ITPRID1: variants seen among roughly 807,000 people sequenced by gnomAD.
ITPRID1 encodes the protein ITPR interacting domain containing 1, also known as protein ITPRID1.
In ITPRID1, 96 loss-of-function variants were observed where a neutral mutation model predicts 95.4. The ratio of observed to expected loss-of-function variants is 1.01; its 90% CI spans 0.85 to 1.19. The LOEUF is 1.19. ITPRID1 is among the 50% of genes most tolerant of loss of function. The pLI is 0.00. For synonymous variants in ITPRID1, 510 were observed against 453.6 expected (o/e 1.12, Z -1.58); for missense variants, 1,339 against 1,252.9 (o/e 1.07, Z -1.04).
At chr7:31,614,857 C>CG (rs1195977362) in intron 10 of ITPRID1, among the ~76,000 whole-genome samples, 1 of 151,980 alleles carries the variant, frequency 6.6e-6, no homozygotes. Context: ...ACTCCTGATT[C>CG]GGGGGCCCCA....
intron 10 of ITPRID1, among the ~76,000 whole-genome samples, chr7:31,618,824 A>C (rs1787519770): frequency 6.6e-6 from 1 of 152,214 alleles, no homozygotes; most frequent in Non-Finnish European, 1.5e-5. Context: ...CCATGCCCAA[A>C]TTATATGCCG....
At chr7:31,594,293 C>T (rs941642509) in intron 10 of ITPRID1, among the ~76,000 whole-genome samples, 12 of 152,048 alleles carry the variant, frequency 7.9e-5, no homozygotes, top group African/African-American at 1.7e-4. Flanking sequence ...ATCAACTAAG[C>T]GTGCATTTCT....
chr7:31,520,173 G>C (rs537208982), intron 1 of ITPRID1, among the ~76,000 whole-genome samples: 1 of 151,990 alleles, frequency 6.6e-6, no homozygotes, highest in East Asian at 1.9e-4. Flanking sequence ...GGGGTTATGG[G>C]TTTGGGGGAG....
chr7:31,632,167 G>T (rs1311135081), intron 10 of ITPRID1, among the ~76,000 whole-genome samples: 3 of 152,210 alleles, frequency 2.0e-5, no homozygotes, highest in African/African-American at 7.2e-5. Flanking sequence ...CCTTGACAGA[G>T]GCAGGGCGTG....
intron 1 of ITPRID1, among the ~76,000 whole-genome samples, chr7:31,548,134 T>G (rs1784161275): frequency 6.6e-6 from 1 of 151,988 alleles, no homozygotes; most frequent in African/African-American, 2.4e-5. Context: ...GAAATTAGGA[T>G]TTTGGAGAGT....
chr7:31,526,751 C>T (rs1783434089), intron 1 of ITPRID1, among the ~76,000 whole-genome samples: 1 of 152,070 alleles, frequency 6.6e-6, no homozygotes, highest in African/African-American at 2.4e-5. Flanking sequence ...TTTTCTCCCA[C>T]ATAGTTCTAA....
chr7:31,581,397 A>C (rs1243335191), intron 9 of ITPRID1, among the ~76,000 whole-genome samples: 2 of 152,156 alleles, frequency 1.3e-5, no homozygotes, highest in African/African-American at 2.4e-5. Context: ...TCTCTTTTTA[A>C]ATTCCCAAAT....
At chr7:31,647,366 A>G (rs1032301083) in intron 12 of ITPRID1, among the ~76,000 whole-genome samples, 4 of 152,214 alleles carry the variant, frequency 2.6e-5, no homozygotes, top group Non-Finnish European at 1.5e-5. Context: ...GACATCTCTT[A>G]GAAGATAATG....
Position 31,643,908 on chromosome 7 carries a change from G to A in ITPRID1, c.2538G>A (p.Thr846=), listed in dbSNP as rs746314504. Residue 846 remains threonine (T), a synonymous_variant, in exon 12 of 15, where the codon ACG becomes ACA. Transcript: ENST00000615280. ...LTGHQEAQFM[T]TLKALQDTTV... The stretch of plus-strand genomic sequence containing the variant: ...GTCACCAGGAAGCCCAGTTCATGAC[G>A]ACTTTGAAAGCCCTTCAGGACACTA... The A allele has an allele frequency of 1.3e-5, 21 of 1,613,698 alleles. No individual in the cohort carries two copies. The highest frequency in any genetic ancestry group is 4.4e-5 in the South Asian group (4 of 91,036).
At position 31,653,670 on chromosome 7, in the gene ITPRID1, G is replaced by C. The variant is rs1055201959; in HGVS notation, c.*841G>C. 3.3e-5 allele frequency: 5 copies of C among 152,216 alleles called. No homozygotes were observed. The highest frequency in any genetic ancestry group is 1.2e-4 in the African/African-American group (5 of 41,454). The allele number at this position is 152,216 out of a possible 1,614,324, so 9.4% of individuals were successfully genotyped here. On this transcript the variant is annotated 3_prime_UTR_variant, in exon 15 of 15. Coordinates refer to ENST00000615280, the MANE Select transcript of ITPRID1 (RefSeq NM_001257967.3). ...TCATTTAGAAATAAAATGGGAGGCA[G>C]ATTGCCTGATGCAGCTCCTAACTTG...
intron 1 of ITPRID1, among the ~76,000 whole-genome samples, chr7:31,519,620 C>CTCCATATATATA: frequency 4.0e-5 from 1 of 25,254 alleles, no homozygotes; most frequent in Non-Finnish European, 7.3e-5. Flanking sequence ...CTCTCTCTCT[C>CTCCATATATATA]TATATATATA....
In ITPRID1 at chr7:31,652,731, AC is replaced by A. The variant is rs752916486; in HGVS notation, c.3039del (p.Arg1014GlyfsTer12). 3.2e-5 allele frequency: 51 copies of A among 1,613,930 alleles called. 1 individual carries two copies. The African/African-American group carries it at 5.3e-4, about 17-fold the overall frequency. On this transcript the variant is annotated frameshift_variant, in exon 15 of 15. Transcript: ENST00000615280. LOFTEE classifies it low-confidence loss of function (END_TRUNC). ...CACTCCACCCACCTTGGAGAACAGCACCAGGATGTCTCCTTCATCATCAGCT... is the reference window on the plus strand; with the variant it reads ...CACTCCACCCACCTTGGAGAACAGCACAGGATGTCTCCTTCATCATCAGCT... ...AFTPPTLENSTRMSPSSSAWA... is the reference protein window; with the variant it reads ...AFTPPTLENSXRMSPSSSAWA...
At chr7:31,628,844 CT>C (rs1788734736) in intron 10 of ITPRID1, among the ~76,000 whole-genome samples, 1 of 152,188 alleles carries the variant, frequency 6.6e-6, no homozygotes, top group African/African-American at 2.4e-5. Context: ...AGCACTATTT[CT>C]TCTTACTGTC....
rs572029786 is a variant in ITPRID1 at position 31,589,951 on chromosome 7, A to G, written c.1228+6760A>G. ...TTCTACATTTTACATGAAGTGGTAC[A>G]ATATAACTTTAAGTAGACTGAAAAA... On this transcript the variant is annotated intron_variant, in intron 10 of 14. Transcript: ENST00000615280. 2.1e-3 allele frequency among the ~76,000 whole-genome samples: 327 copies of G among 152,306 alleles called. 1 individual carries two copies. Among genetic ancestry groups the G allele is most frequent in the African/African-American group, 7.5e-3 (311 of 41,574 alleles).
chr7:31,654,692 C>T lies in ITPRID1; in HGVS notation c.*1863C>T, dbSNP rs973192518. 6.6e-6 allele frequency among the ~76,000 whole-genome samples: 1 copy of T among 152,044 alleles called. No homozygotes were observed. Among genetic ancestry groups the T allele is most frequent in the Non-Finnish European group, 1.5e-5 (1 of 68,012 alleles). On this transcript the variant is annotated 3_prime_UTR_variant, in exon 15 of 15. Transcript: ENST00000615280. Reference sequence around the variant, plus strand: ...CACACAAAGGCCAGAGGCACTGGGTCTCTAAGGAATGGGGAATAGATGCAG... The same window carrying T: ...CACACAAAGGCCAGAGGCACTGGGTTTCTAAGGAATGGGGAATAGATGCAG...
chr7:31,635,784 G>A (rs148671545), intron 10 of ITPRID1, among the ~76,000 whole-genome samples: 7 of 152,134 alleles, frequency 4.6e-5, no homozygotes, highest in Non-Finnish European at 7.4e-5. Flanking sequence ...AGGGGAGGGC[G>A]GGGGTCAGAG....
chr7:31,519,620 C>CTCTCTCTCTCTCCATATATA, intron 1 of ITPRID1, among the ~76,000 whole-genome samples: 2 of 25,254 alleles, frequency 7.9e-5, no homozygotes, highest in Non-Finnish European at 1.5e-4. Flanking sequence ...CTCTCTCTCT[C>CTCTCTCTCTCTCCATATATA]TATATATATA....
At chr7:31,614,347 C>A (rs909554597) in intron 10 of ITPRID1, among the ~76,000 whole-genome samples, 3 of 151,880 alleles carry the variant, frequency 2.0e-5, no homozygotes, top group African/African-American at 7.3e-5. Flanking sequence ...AAAGTGAGGG[C>A]GAGGCTCAAC....
chr7:31,644,734 T>A (rs1476037548), intron 12 of ITPRID1, among the ~76,000 whole-genome samples: 1 of 152,204 alleles, frequency 6.6e-6, no homozygotes, highest in South Asian at 2.1e-4. Flanking sequence ...AGAAATGATC[T>A]AGGCTTTCAG....
Sources: allele counts gnomAD v4.1 joint callset (sites outside exome capture counted in the v4.1 genomes callset), GRCh38; gene constraint gnomAD v4.1.1; transcripts MANE v1.5; gene names NCBI Gene and HGNC (gene_info 2026-07-23, HGNC 2026-07-21).